The following CCDC186 variants were observed in gnomAD, a reference collection of about 807,000 sequenced individuals.
CCDC186 encodes coiled-coil domain-containing protein 186.
CCDC186 carries 49 observed loss-of-function variants against 113.7 expected under a neutral mutation model. That is an observed-to-expected ratio of 0.43 (90% CI 0.34 to 0.55). The LOEUF is 0.55. Ranked by LOEUF, CCDC186 falls within the 20% of genes least tolerant of loss-of-function variation. The pLI, the probability that CCDC186 is intolerant of heterozygous loss-of-function variation, is 0.02. For missense variants in CCDC186, 890 were observed against 1,011.1 expected, an observed-to-expected ratio of 0.88 and a Z score of 1.62; for synonymous variants, 355 against 345.8, an observed-to-expected ratio of 1.03 and a Z score of -0.30.
At chr10:114,151,014 T>C in intron 4 of CCDC186, 78 bp downstream of exon 4, 1 of 1,517,530 alleles carries the variant, frequency 6.6e-7, no homozygotes. Flanking sequence ...TCCAAAATAG[T>C]CTAACAGTGT....
At chr10:114,159,415 C>T (rs1034399521) in intron 2 of CCDC186, among the ~76,000 whole-genome samples, 1 of 151,856 alleles carries the variant, frequency 6.6e-6, no homozygotes, top group Non-Finnish European at 1.5e-5. Flanking sequence ...GAGGTGGAGG[C>T]GGGTGGATCA....
intron 13 of CCDC186, among the ~76,000 whole-genome samples, chr10:114,129,401 T>C (rs921035191): frequency 6.6e-6 from 1 of 152,002 alleles, no homozygotes; most frequent in South Asian, 2.1e-4. Context: ...ATGACAAATC[T>C]GAAACCCCAG....
chr10:114,143,609 T>C (rs555187843), intron 6 of CCDC186, among the ~76,000 whole-genome samples: 2 of 152,318 alleles, frequency 1.3e-5, no homozygotes, highest in African/African-American at 4.8e-5. Flanking sequence ...TATTCTCTAA[T>C]CTACCTTTGA....
At chr10:114,127,795 C>T (rs2030955382) in intron 13 of CCDC186, 124 bp from the exon 14 acceptor site, 1 of 878,710 alleles carries the variant, frequency 1.1e-6, no homozygotes, top group Non-Finnish European at 1.7e-6. Flanking sequence ...CAGAAGACAA[C>T]ACAGGTCAAC....
At chr10:114,127,143 T>A (rs758557365) in intron 14 of CCDC186, among the ~76,000 whole-genome samples, 2 of 152,202 alleles carry the variant, frequency 1.3e-5, no homozygotes, top group East Asian at 3.8e-4. Flanking sequence ...ACCCCATATA[T>A]ACCTCTTAGA....
chr10:114,154,776 G>A (rs2031962547), intron 3 of CCDC186, among the ~76,000 whole-genome samples: 1 of 152,226 alleles, frequency 6.6e-6, no homozygotes. Context: ...AATGTTCACA[G>A]TGGTATTATT....
chr10:114,127,737 T>C, intron 13 of CCDC186, 66 bp from the exon 14 acceptor site: 1 of 1,304,694 alleles, frequency 7.7e-7, no homozygotes, highest in Non-Finnish European at 1.1e-6. Flanking sequence ...TCTCATATAT[T>C]ACTTATTCCA....
chr10:114,170,667 G>A, intron 1 of CCDC186, among the ~76,000 whole-genome samples: 1 of 152,106 alleles, frequency 6.6e-6, no homozygotes, highest in East Asian at 1.9e-4. Flanking sequence ...AACAGCATTA[G>A]AATAAAAAAG....
rs1294496937 is a variant in CCDC186 at position 114,162,759 on chromosome 10, G to A, written c.510C>T (p.Leu170=). 6.2e-7 allele frequency: 1 copy of A among 1,613,846 alleles called. No individual in the cohort carries two copies. Residue 170 remains leucine, a synonymous_variant, in exon 2 of 16, where the codon CTC becomes CTT. Transcript: ENST00000369287. ...EDLLEEIESE[L]LSTEFAEHRV... Reference sequence around the variant, plus strand: ...GATGTTCTGCAAACTCCGTAGATAAGAGCTCAGATTCTATTTCTTCCAACA... The same window carrying A: ...GATGTTCTGCAAACTCCGTAGATAAAAGCTCAGATTCTATTTCTTCCAACA...
Position 114,149,555 on chromosome 10 carries a change from AAGGAAAGGAAAGGGAAGGG to A in CCDC186, c.888+1518_888+1536del, listed in dbSNP as rs1564912634. 3.2e-3 allele frequency among the ~76,000 whole-genome samples: 301 copies of A among 93,470 alleles called. 2 individuals are homozygous for A. Among genetic ancestry groups the A allele is most frequent in the African/African-American group, 0.012 (284 of 22,916 alleles). The allele number at this position is 93,470 out of a possible 152,430, so 61.3% of individuals were successfully genotyped here. On this transcript the variant is annotated intron_variant, in intron 4 of 15. Transcript: ENST00000369287. Reference sequence around the variant, plus strand: ...AAGGAAAGGGAAGGGAAGGGAAGGGAAGGAAAGGAAAGGGAAGGGAAGGGAAGGGAAGGGAAGGGAAGGG... The same window carrying A: ...AAGGAAAGGGAAGGGAAGGGAAGGGAAAGGGAAGGGAAGGGAAGGGAAGGG...
Position 114,125,993 on chromosome 10 carries a change from T to A in CCDC186, c.2506A>T (p.Thr836Ser), listed in dbSNP as rs747632390. The part of the protein sequence containing the change: ...RRGGIMASLY[T>S]SHPADNGLTL... ...AATCCATTGTCAGCTGGATGGGATGTATATAAAGATGCCATGATGCCACCC... is the reference window on the plus strand; with the variant it reads ...AATCCATTGTCAGCTGGATGGGATGAATATAAAGATGCCATGATGCCACCC... Residue 836 changes from threonine to serine, a missense_variant, in exon 15 of 16, where the codon ACA (threonine) becomes TCA (serine). Coordinates refer to ENST00000369287, the MANE Select transcript of CCDC186 (RefSeq NM_018017.4). 5 of 1,614,094 alleles carry A rather than the reference T, an allele frequency of 3.1e-6. No homozygotes were observed. In the South Asian group the frequency reaches 4.4e-5, roughly 14 times the overall value.
At chr10:114,152,505 T>C (rs1403883513) in intron 3 of CCDC186, among the ~76,000 whole-genome samples, 3 of 152,164 alleles carry the variant, frequency 2.0e-5, no homozygotes, top group African/African-American at 7.2e-5. Flanking sequence ...CTGTACTGTA[T>C]AGTGAAAATA....
intron 2 of CCDC186, among the ~76,000 whole-genome samples, chr10:114,158,995 G>T (rs1436122547): frequency 6.6e-6 from 1 of 152,156 alleles, no homozygotes. Context: ...ATGTCAGCTG[G>T]TGATTAAATC....
chr10:114,145,327 G>A (rs887297099), intron 5 of CCDC186, among the ~76,000 whole-genome samples: 2 of 121,954 alleles, frequency 1.6e-5, no homozygotes, highest in African/African-American at 7.5e-5. Flanking sequence ...TAAACAACAT[G>A]TGCCAACACT....
Position 114,125,196 on chromosome 10 carries a change from C to T in CCDC186, c.2644G>A (p.Glu882Lys). 8 of 1,610,326 alleles carry T rather than the reference C, an allele frequency of 5.0e-6. No individual in the cohort carries two copies. The highest frequency in any genetic ancestry group is 6.8e-6 in the Non-Finnish European group (8 of 1,178,192). ...TCATGCTGGTGTTTAATAAGACGTT[C>T]TATTTCTGTTCCAAGTGTTTGTAGA... is the stretch of plus-strand genomic sequence containing the variant. ...ENLQTLGTEIERLIKHQHELE... is the reference protein window; with the variant it reads ...ENLQTLGTEIKRLIKHQHELE... Residue 882 changes from glutamate (E) to lysine (K), a missense_variant, in exon 16 of 16, where the codon GAA (glutamate) becomes AAA (lysine). Coordinates refer to ENST00000369287, the MANE Select transcript of CCDC186 (RefSeq NM_018017.4).
intron 13 of CCDC186, among the ~76,000 whole-genome samples, chr10:114,128,629 A>C (rs2030987925): frequency 6.6e-6 from 1 of 152,148 alleles, no homozygotes; most frequent in African/African-American, 2.4e-5. Context: ...TACCTACCTC[A>C]CATGAATTTT....
chr10:114,145,097 A>G (rs984195516), intron 5 of CCDC186, among the ~76,000 whole-genome samples: 9 of 152,146 alleles, frequency 5.9e-5, no homozygotes, highest in Admixed American at 3.3e-4. Context: ...GATAGTATCT[A>G]AGAAAGACAT....
At position 114,163,052 on chromosome 10, in the gene CCDC186, G is replaced by A; in HGVS notation, c.217C>T (p.His73Tyr). ...IEAQENYIPD[H>Y]GGGEDSCAKT... ...GCACAAGAATCCTCACCTCCACCAT[G>A]ATCTGGAATATAATTTTCCTGGGCT... Residue 73 changes from histidine (H) to tyrosine (Y), a missense_variant, in exon 2 of 16, where the codon CAT becomes TAT. Physicochemically the swap from His to Tyr is moderately conservative, Grantham distance 83. Transcript: ENST00000369287. 2 of 1,614,066 alleles carry A rather than the reference G, an allele frequency of 1.2e-6. No homozygotes were observed. Among genetic ancestry groups the A allele is most frequent in the Non-Finnish European group, 1.7e-6 (2 of 1,179,996 alleles).
At chr10:114,154,960 T>C (rs1320537106) in intron 3 of CCDC186, among the ~76,000 whole-genome samples, 2 of 152,178 alleles carry the variant, frequency 1.3e-5, no homozygotes, top group Non-Finnish European at 2.9e-5. Context: ...AACACTATGT[T>C]AAATAAAAGA....
Sources: gnomAD v4.1 joint callset for allele counts (sites outside exome capture counted in the v4.1 genomes callset) on GRCh38, gnomAD v4.1.1 for gene constraint, MANE v1.5 for transcripts, NCBI Gene and HGNC (gene_info 2026-07-23, HGNC 2026-07-21) for gene names.